The following STX6 variants were observed in gnomAD, a reference collection of about 807,000 sequenced individuals.
STX6 encodes syntaxin 6.
In STX6, 23 loss-of-function variants were observed where a neutral mutation model predicts 38.0. That is an observed-to-expected ratio of 0.60 (90% CI 0.43 to 0.86). The LOEUF (loss-of-function observed/expected upper bound fraction) is 0.86. Among genes scored for constraint, STX6 ranks in the 40% least tolerant of loss-of-function variants. STX6 has a pLI of 0.00. For missense variants in STX6, 274 were observed against 312.9 expected (o/e 0.88, Z 0.94); for synonymous variants, 123 against 107.5 (o/e 1.14, Z -0.89).
chr1:180,982,760 TTTTG>T (rs1266344933), intron 7 of STX6, among the ~76,000 whole-genome samples: 1 of 152,196 alleles, frequency 6.6e-6, no homozygotes, highest in African/African-American at 2.4e-5. Flanking sequence ...TTGTTTATTG[TTTTG>T]TTTTTAAGTA....
At chr1:181,004,322 T>C (rs932201748) in intron 2 of STX6, among the ~76,000 whole-genome samples, 3 of 152,208 alleles carry the variant, frequency 2.0e-5, no homozygotes, top group African/African-American at 4.8e-5. Context: ...AATGGGATAA[T>C]TGATGGCTGG....
chr1:181,019,186 T>C (rs1177203486), intron 1 of STX6, among the ~76,000 whole-genome samples: 1 of 152,176 alleles, frequency 6.6e-6, no homozygotes, highest in Non-Finnish European at 1.5e-5. Flanking sequence ...CTACTCCACC[T>C]GGGCTGCTCT....
At chr1:181,015,670 C>CTTTT (rs879761357) in intron 1 of STX6, among the ~76,000 whole-genome samples, 1 of 142,518 alleles carries the variant, frequency 7.0e-6, no homozygotes, top group African/African-American at 2.6e-5. Flanking sequence ...CCACACAAAT[C>CTTTT]TTTTTTTTTT....
intron 1 of STX6, 93 bp downstream of exon 1, chr1:181,022,546 G>T: frequency 1.1e-5 from 14 of 1,314,712 alleles, no homozygotes; most frequent in African/African-American, 1.5e-5. Flanking sequence ...GCTCCAACTT[G>T]CCTCCCCTCC....
chr1:180,994,969 T>A (rs202169167), intron 3 of STX6, among the ~76,000 whole-genome samples: 1,590 of 55,546 alleles, frequency 0.029, 24 homozygotes, highest in African/African-American at 0.15. Context: ...TAAAAAAAAA[T>A]TTTTTTTTTT....
At position 180,984,235 on chromosome 1, in the gene STX6, A is replaced by C. The variant is rs183344616; in HGVS notation, c.691+442T>G. Among the ~76,000 whole-genome samples, 228 of 151,760 alleles carry C rather than the reference A, an allele frequency of 1.5e-3. 1 individual carries two copies. Among genetic ancestry groups the C allele is most frequent in the African/African-American group, 5.5e-3 (227 of 41,368 alleles). On this transcript the variant is annotated intron_variant, in intron 7 of 7. Coordinates refer to ENST00000258301, the MANE Select transcript of STX6 (RefSeq NM_005819.6). ...TTCTCTGATTCTAAGGCATCACAAA[A>C]AAAAAAAATGTGCCATAAGAAAGGG...
chr1:181,022,593 A>G, intron 1 of STX6, 46 bp downstream of exon 1: 1 of 1,583,272 alleles, frequency 6.3e-7, no homozygotes, highest in East Asian at 2.3e-5. Context: ...GCGGGCAGGC[A>G]GCACCGCCAC....
chr1:181,001,881 G>A (rs1656088873), intron 3 of STX6, among the ~76,000 whole-genome samples: 1 of 152,148 alleles, frequency 6.6e-6, no homozygotes, highest in Non-Finnish European at 1.5e-5. Context: ...TTTTGCTCTC[G>A]GAAATAAGCC....
chr1:180,990,869 TGAA>T (rs1262296192), intron 4 of STX6, among the ~76,000 whole-genome samples: 2 of 152,174 alleles, frequency 1.3e-5, no homozygotes, highest in African/African-American at 2.4e-5. Flanking sequence ...CTTCCTCACA[TGAA>T]GAAGACAGGC....
In STX6 at chr1:180,977,236, A is replaced by G. The variant is rs143577174; in HGVS notation, c.692-590T>C. On this transcript the variant is annotated intron_variant, in intron 7 of 7. Coordinates refer to ENST00000258301, the MANE Select transcript of STX6 (RefSeq NM_005819.6). Reference sequence around the variant, plus strand: ...ACCTTGTACAGCTCCTCTGTAAATGAAAGTGGAATTTTTTTTCTGAAACTT... The same window carrying G: ...ACCTTGTACAGCTCCTCTGTAAATGGAAGTGGAATTTTTTTTCTGAAACTT... 1.9e-3 allele frequency among the ~76,000 whole-genome samples: 295 copies of G among 152,352 alleles called. 1 individual carries two copies. The highest frequency in any genetic ancestry group is 0.01 in the Middle Eastern group (3 of 294).
At chr1:181,003,123 C>G (rs1323290087) in intron 2 of STX6, among the ~76,000 whole-genome samples, 1 of 152,226 alleles carries the variant, frequency 6.6e-6, no homozygotes, top group Non-Finnish European at 1.5e-5. Context: ...ACTTCTTAAT[C>G]TAGAGAGATC....
At position 180,993,454 on chromosome 1, in the gene STX6, T is replaced by C. The variant is rs544743774; in HGVS notation, c.301-29A>G. The C allele has an allele frequency of 4.8e-5, 65 of 1,363,070 alleles. No individual in the cohort carries two copies. In the East Asian group the frequency reaches 1.5e-3, roughly 31 times the overall value. The allele number at this position is 1,363,070 out of a possible 1,614,324, so 84.4% of individuals were successfully genotyped here. On this transcript the variant is annotated intron_variant, in intron 3 of 7. Transcript: ENST00000258301. Reference sequence around the variant, plus strand: ...ATGAGAAAGAAGATACGAAAACAAATGAAAAATATCCTTAAACAAAATCAC... The same window carrying C: ...ATGAGAAAGAAGATACGAAAACAAACGAAAAATATCCTTAAACAAAATCAC...
chr1:180,989,788 T>G (rs774414954), intron 5 of STX6, among the ~76,000 whole-genome samples, 196 bp downstream of exon 5: 2 of 152,124 alleles, frequency 1.3e-5, no homozygotes, highest in Non-Finnish European at 2.9e-5. Flanking sequence ...CTGGCTGAGC[T>G]TGGTTCTCTT....
In STX6 at chr1:180,994,323, C is replaced by G. The variant is rs148700619; in HGVS notation, c.301-898G>C. Reference sequence around the variant, plus strand: ...GAGACAGTGCCACCGCTTTTACAATCCCAGAACTGTGGTAAATGTGAGTGA... The same window carrying G: ...GAGACAGTGCCACCGCTTTTACAATGCCAGAACTGTGGTAAATGTGAGTGA... On this transcript the variant is annotated intron_variant, in intron 3 of 7. Coordinates refer to ENST00000258301, the MANE Select transcript of STX6 (RefSeq NM_005819.6). Among the ~76,000 whole-genome samples the G allele has an allele frequency of 4.1e-3, 621 of 152,326 alleles. 1 individual carries two copies. Among genetic ancestry groups the G allele is most frequent in the Middle Eastern group, 0.01 (3 of 294 alleles).
chr1:181,010,478 T>G (rs1209271319), intron 1 of STX6, among the ~76,000 whole-genome samples: 2 of 151,986 alleles, frequency 1.3e-5, no homozygotes, highest in Non-Finnish European at 2.9e-5. Context: ...ATTTTCATAT[T>G]TTTAGTAGAA....
rs923660897 is a variant in STX6, at chr1:180,975,155, T to C, written c.*1415A>G. 2.0e-5 allele frequency: 3 copies of C among 152,192 alleles called. No homozygotes were observed. Among genetic ancestry groups the C allele is most frequent in the Non-Finnish European group, 4.4e-5 (3 of 67,958 alleles). The allele number at this position is 152,192 out of a possible 1,614,324, so 9.4% of individuals were successfully genotyped here. A position where few individuals can be genotyped will look rare whatever the true frequency, so the allele number is the denominator to read the frequency against. ...GAATGCACCCAAAAAGACAAGGAAA[T>C]GAGAAGTCAAAGCTAGAACTCTATC... On this transcript the variant is annotated 3_prime_UTR_variant, in exon 8 of 8. Transcript: ENST00000258301.
At chr1:181,019,977 A>G (rs1571359367) in intron 1 of STX6, among the ~76,000 whole-genome samples, 1 of 152,182 alleles carries the variant, frequency 6.6e-6, no homozygotes, top group Non-Finnish European at 1.5e-5. Flanking sequence ...CCTGGCTAAC[A>G]TGGTGAAACC....
chr1:180,995,285 C>T (rs1655873931), intron 3 of STX6, among the ~76,000 whole-genome samples: 1 of 152,008 alleles, frequency 6.6e-6, no homozygotes, highest in African/African-American at 2.4e-5. Context: ...AAATGTAGTT[C>T]CCTAGGCCCC....
At chr1:181,002,806 T>G (rs1478463288) in intron 2 of STX6, 106 bp from the exon 3 acceptor site, 1 of 742,206 alleles carries the variant, frequency 1.3e-6, no homozygotes, top group East Asian at 2.7e-5. Context: ...TGGCTCAAAC[T>G]TTCTGAAAAC....
Sources: gnomAD v4.1 joint callset for allele counts (sites outside exome capture counted in the v4.1 genomes callset) on GRCh38, gnomAD v4.1.1 for gene constraint, MANE v1.5 for transcripts, NCBI Gene and HGNC (gene_info 2026-07-23, HGNC 2026-07-21) for gene names.